ZNF135: variants seen among roughly 807,000 people sequenced by gnomAD.
ZNF135 encodes zinc finger protein 135.
In ZNF135, 11 loss-of-function variants were observed where a neutral mutation model predicts 12.3. The observed-to-expected ratio is 0.89, with a 90% CI of 0.56 to 1.48. The LOEUF (loss-of-function observed/expected upper bound fraction) is 1.48. Among genes scored for constraint, ZNF135 ranks in the 40% most tolerant of loss-of-function variants. The probability of loss-of-function intolerance (pLI) is 0.00; values close to 1 mark genes in which losing one functional copy is unlikely to be tolerated. For synonymous variants in ZNF135, 316 were observed against 312.0 expected (o/e 1.01, Z -0.14); for missense variants, 722 against 815.7 (o/e 0.89, Z 1.40).
At position 58,064,894 on chromosome 19, in the gene ZNF135, AAAAC is replaced by A. The variant is rs1384953896; in HGVS notation, c.256+1357_256+1360del. On this transcript the variant is annotated intron_variant, in intron 4 of 4. Coordinates refer to ENST00000313434, the MANE Select transcript of ZNF135 (RefSeq NM_001289401.2). The stretch of plus-strand genomic sequence containing the variant: ...GACAGAGCAAGACCATGTTTCAAAA[AAAAC>A]AAAGTGTTAACTATTTATTTTATCA... Among the ~76,000 whole-genome samples, 5 of 152,310 alleles carry A rather than the reference AAAAC, an allele frequency of 3.3e-5. No individual in the cohort carries two copies. In the East Asian group the frequency reaches 9.6e-4, roughly 29 times the overall value.
chr19:58,063,622 T>A lies in ZNF135; in HGVS notation c.256+81T>A. 6.3e-7 allele frequency: 1 copy of A among 1,581,488 alleles called. No individual in the cohort carries two copies. ...TTCTCCCTCTGCATCTGCTCTCTAA[T>A]TCTTCAGAGCAAATTTACTACTCAG... On this transcript the variant is annotated intron_variant, in intron 4 of 4. Coordinates refer to ENST00000313434, the MANE Select transcript of ZNF135 (RefSeq NM_001289401.2). This position sits in a 1 kb window ranked among gnomAD's most constrained non-coding sequence, Gnocchi z 4.4.
In ZNF135 at chr19:58,067,908, TC is replaced by T. The variant is rs774961412; in HGVS notation, c.1426del (p.Arg476GlyfsTer193). On this transcript the variant is annotated frameshift_variant, in exon 5 of 5. Transcript: ENST00000313434. LOFTEE classifies it low-confidence loss of function (END_TRUNC). ...PYECSQCGKA[F>X]RQSTHLTQHQ... is the part of the protein sequence containing the mutation. ...GAGTGCAGTCAGTGTGGGAAGGCCT[TC>T]CGGCAGAGCACACACCTCACCCAAC... is the stretch of plus-strand genomic sequence containing the variant. The T allele has an allele frequency of 1.9e-6, 3 of 1,612,350 alleles. No homozygotes were observed. The South Asian group carries it at 3.3e-5, about 18-fold the overall frequency.
Position 58,067,449 on chromosome 19 carries a change from G to C in ZNF135, c.965G>C (p.Gly322Ala), listed in dbSNP as rs561714922. 427 of 1,614,180 alleles carry C rather than the reference G, an allele frequency of 2.6e-4. 5 individuals carry two copies. In the South Asian group the frequency reaches 4.4e-3, roughly 17 times the overall value. ...AGCCAGCACGAGCGAACTCACACAG[G>C]CGAGAAGCCCTACGAGTGCAGTGAG... ...SFSQHERTHT[G>A]EKPYECSECG... The change falls in exon 5 of 5, where the codon GGC becomes GCC. Residue 322 changes from glycine to alanine, a missense_variant. Coordinates refer to ENST00000313434, the MANE Select transcript of ZNF135 (RefSeq NM_001289401.2).
chr19:58,059,683 C>T lies in ZNF135; in HGVS notation c.-34-286C>T, dbSNP rs2073933912. On this transcript the variant is annotated intron_variant, in intron 1 of 4. Coordinates refer to ENST00000313434, the MANE Select transcript of ZNF135 (RefSeq NM_001289401.2). The surrounding 1 kb of genome is among the most constrained non-coding windows in gnomAD (Gnocchi z 6.5). ...AGGCATAGTGCCCAGGGCCAGGGGA[C>T]CGCAACCACCCGGCCCTTGTCACTG... is the stretch of plus-strand genomic sequence containing the variant. 1.9e-6 allele frequency: 1 copy of T among 528,022 alleles called. No homozygotes were observed. The highest frequency in any genetic ancestry group is 3.3e-6 in the Non-Finnish European group (1 of 301,424). The allele number at this position is 528,022 out of a possible 1,614,324, so 32.7% of individuals were successfully genotyped here. A position where few individuals can be genotyped will look rare whatever the true frequency, so the allele number is the denominator to read the frequency against.
Position 58,065,195 on chromosome 19 carries a change from CCTTTTT to C in ZNF135, c.257-1545_257-1540del, listed in dbSNP as rs1288392942. Among the ~76,000 whole-genome samples, 1 of 151,978 alleles carries C rather than the reference CCTTTTT, an allele frequency of 6.6e-6. No homozygotes were observed. Among genetic ancestry groups the C allele is most frequent in the Non-Finnish European group, 1.5e-5 (1 of 67,982 alleles). ...AAGGGAAGAATCTATTTCTTTCTCT[CCTTTTT>C]GTTTTTTTAAGAGATGGGGTCTTGC... On this transcript the variant is annotated intron_variant, in intron 4 of 4. Transcript: ENST00000313434. The surrounding 1 kb of genome is among the most constrained non-coding windows in gnomAD (Gnocchi z 4.0).
Position 58,059,322 on chromosome 19 carries a change from C to T in ZNF135, c.-35+12C>T. 1 of 1,148,546 alleles carries T rather than the reference C, an allele frequency of 8.7e-7. No homozygotes were observed. The highest frequency in any genetic ancestry group is 1.9e-5 in the South Asian group (1 of 53,646). 71.1% of individuals were successfully genotyped at this position (1,148,546 alleles called of 1,614,324 possible). A position where few individuals can be genotyped will look rare whatever the true frequency, so the allele number is the denominator to read the frequency against. On this transcript the variant is annotated intron_variant, in intron 1 of 4. Coordinates refer to ENST00000313434, the MANE Select transcript of ZNF135 (RefSeq NM_001289401.2). The surrounding 1 kb of genome is among the most constrained non-coding windows in gnomAD (Gnocchi z 6.5). ...TCGCAGTCAGGAGGGTGAGCTAGGC[C>T]GGCGAGGAGGGGGAGGGGAGGCCAG...
Position 58,065,428 on chromosome 19 carries a change from TCAAGGAGTCCTCC to T in ZNF135, c.257-1310_257-1298del, listed in dbSNP as rs1487250261. Among the ~76,000 whole-genome samples the T allele has an allele frequency of 6.6e-6, 1 of 152,182 alleles. No homozygotes were observed. Among genetic ancestry groups the T allele is most frequent in the African/African-American group, 2.4e-5 (1 of 41,452 alleles). ...CCAGGCATGTCTTGAACTCTTAGGC[TCAAGGAGTCCTCC>T]CACCTCAGCTGCCCAAAGTGTTGAG... On this transcript the variant is annotated intron_variant, in intron 4 of 4. Transcript: ENST00000313434. This position sits in a 1 kb window ranked among gnomAD's most constrained non-coding sequence, Gnocchi z 4.0.
chr19:58,059,350 C>CGGGCG lies in ZNF135; in HGVS notation c.-35+44_-35+45insGGGGC, dbSNP rs1291287047. The CGGGCG allele has an allele frequency of 6.5e-6, 5 of 767,000 alleles. 1 individual carries two copies. Among genetic ancestry groups the CGGGCG allele is most frequent in the Non-Finnish European group, 8.7e-6 (5 of 575,986 alleles). The allele number at this position is 767,000 out of a possible 1,614,324, so 47.5% of individuals were successfully genotyped here. On this transcript the variant is annotated intron_variant, in intron 1 of 4. Coordinates refer to ENST00000313434, the MANE Select transcript of ZNF135 (RefSeq NM_001289401.2). This position sits in a 1 kb window ranked among gnomAD's most constrained non-coding sequence, Gnocchi z 6.5. ...CGAGGAGGGGGAGGGGAGGCCAGGC[C>CGGGCG]GGGCCGGGCCGGGCCGGGTGCGGGG...
rs1312359145 is a variant in ZNF135 at position 58,059,566 on chromosome 19, C to T, written c.-35+256C>T. Among the ~76,000 whole-genome samples, 1 of 152,056 alleles carries T rather than the reference C, an allele frequency of 6.6e-6. No homozygotes were observed. The highest frequency in any genetic ancestry group is 1.5e-5 in the Non-Finnish European group (1 of 67,970). On this transcript the variant is annotated intron_variant, in intron 1 of 4. Transcript: ENST00000313434. The surrounding 1 kb of genome is among the most constrained non-coding windows in gnomAD (Gnocchi z 6.5). ...AGCTGGACAGGAGCTGCTCCGACGG[C>T]CCCTGAGGGAACGCGCGCCCCGCCC... is the stretch of plus-strand genomic sequence containing the variant.
In ZNF135 at chr19:58,068,147, T is replaced by C; in HGVS notation, c.1663T>C (p.Cys555Arg). The C allele has an allele frequency of 6.2e-7, 1 of 1,614,048 alleles. No individual in the cohort carries two copies. Among genetic ancestry groups the C allele is most frequent in the African/African-American group, 1.3e-5 (1 of 75,002 alleles). ...AGAGAAACCCTATGAATGTAACCAGTGTGGCAGAGCCTTCAGCCAGAGCTC... is the reference window on the plus strand; with the variant it reads ...AGAGAAACCCTATGAATGTAACCAGCGTGGCAGAGCCTTCAGCCAGAGCTC... ...TGEKPYECNQ[C>R]GRAFSQSSLL... Residue 555 changes from cysteine (C) to arginine (R), a missense_variant, in exon 5 of 5, where the codon TGT (cysteine) becomes CGT (arginine). By Grantham distance (180) the Cys-to-Arg change is radical. Coordinates refer to ENST00000313434, the MANE Select transcript of ZNF135 (RefSeq NM_001289401.2).
rs947433786 is a variant in ZNF135, at chr19:58,063,754, T to C, written c.256+213T>C. ...GTGAGGGAGTGGGGGAAACAAACAA[T>C]AAATCGGTAAAATAATAATAATAAA... On this transcript the variant is annotated intron_variant, in intron 4 of 4. Coordinates refer to ENST00000313434, the MANE Select transcript of ZNF135 (RefSeq NM_001289401.2). This position sits in a 1 kb window ranked among gnomAD's most constrained non-coding sequence, Gnocchi z 4.4. 4 of 1,273,238 alleles carry C rather than the reference T, an allele frequency of 3.1e-6. No individual in the cohort carries two copies. In the African/African-American group the frequency reaches 4.6e-5, roughly 15 times the overall value. The allele number at this position is 1,273,238 out of a possible 1,614,324, so 78.9% of individuals were successfully genotyped here.
Position 58,067,846 on chromosome 19 carries a change from C to T in ZNF135, c.1362C>T (p.Ser454=). The T allele has an allele frequency of 6.2e-7, 1 of 1,613,462 alleles. No individual in the cohort carries two copies. Residue 454 remains serine (S), a synonymous_variant, in exon 5 of 5, where the codon AGC becomes AGT. Transcript: ENST00000313434. ...CCTTCAGCCACAGCTCCTCACTCAGCCAGCATGAGCGGACACACACAGGAG... is the reference window on the plus strand; with the variant it reads ...CCTTCAGCCACAGCTCCTCACTCAGTCAGCATGAGCGGACACACACAGGAG... ...GKTFSHSSSL[S]QHERTHTGEK... is the part of the protein sequence containing the mutation.
At chr19:58,061,774 A>C (rs781168409) in intron 3 of ZNF135, 68 bp downstream of exon 3, 1 of 1,535,610 alleles carries the variant, frequency 6.5e-7, no homozygotes, top group Non-Finnish European at 8.7e-7. Flanking sequence ...ACCAGGTTAA[A>C]TATTTATAGG....
Position 58,063,651 on chromosome 19 carries a change from TA to T in ZNF135, c.256+111del, listed in dbSNP as rs371496817. The T allele has an allele frequency of 4.2e-4, 626 of 1,497,482 alleles. 4 individuals carry two copies. In the African/African-American group the frequency reaches 7.9e-3, roughly 19 times the overall value. The allele number at this position is 1,497,482 out of a possible 1,614,324, so 92.8% of individuals were successfully genotyped here. On this transcript the variant is annotated intron_variant, in intron 4 of 4. Coordinates refer to ENST00000313434, the MANE Select transcript of ZNF135 (RefSeq NM_001289401.2). This position sits in a 1 kb window ranked among gnomAD's most constrained non-coding sequence, Gnocchi z 4.4. ...TCAGAGCAAATTTACTACTCAGTCT[TA>T]GTGAAGATTTACCAAGCACCCATTT...
Position 58,067,540 on chromosome 19 carries a change from A to T in ZNF135, c.1056A>T (p.Lys352Asn). 3 of 1,605,036 alleles carry T rather than the reference A, an allele frequency of 1.9e-6. No individual in the cohort carries two copies. The highest frequency in any genetic ancestry group is 2.5e-6 in the Non-Finnish European group (3 of 1,176,734). Residue 352 changes from lysine (K) to asparagine (N), a missense_variant, in exon 5 of 5, where the codon AAA (lysine) becomes AAT (asparagine). Transcript: ENST00000313434. ...ATCTGCGAATCCACACTGGGGAGAA[A>T]CCCTATCAGTGTGGTGAGTGTGGCA... Reference protein sequence around the residue: ...TQHLRIHTGEKPYQCGECGKA... With the variant: ...TQHLRIHTGENPYQCGECGKA...
chr19:58,067,494 A>G lies in ZNF135; in HGVS notation c.1010A>G (p.Gln337Arg), dbSNP rs2074094538. The G allele has an allele frequency of 6.2e-7, 1 of 1,614,072 alleles. No homozygotes were observed. The highest frequency in any genetic ancestry group is 1.3e-5 in the African/African-American group (1 of 74,932). The change falls in exon 5 of 5, where the codon CAA (glutamine) becomes CGA (arginine). Residue 337 changes from glutamine to arginine, a missense_variant. By Grantham distance (43) the Gln-to-Arg change is conservative. Coordinates refer to ENST00000313434, the MANE Select transcript of ZNF135 (RefSeq NM_001289401.2). The stretch of plus-strand genomic sequence containing the variant: ...AGTGAGTGTGGGAAAGCCTTCCGGC[A>G]AAGCATCCACCTCACCCAGCATCTG... ...ECSECGKAFR[Q>R]SIHLTQHLRI...
In ZNF135 at chr19:58,063,492, G is replaced by A. The variant is rs996328680; in HGVS notation, c.207G>A (p.Glu69=). The A allele has an allele frequency of 1.2e-6, 2 of 1,614,164 alleles. No homozygotes were observed. The highest frequency in any genetic ancestry group is 3.3e-4 in the Middle Eastern group (2 of 6,060). Residue 69 remains glutamate, a synonymous_variant, in exon 4 of 5, where the codon GAG becomes GAA. Coordinates refer to ENST00000313434, the MANE Select transcript of ZNF135 (RefSeq NM_001289401.2). This position sits in a 1 kb window ranked among gnomAD's most constrained non-coding sequence, Gnocchi z 4.4. ...ATGTCATCTCCCTGCTGGAGCAAGA[G>A]GCAGAGCTGTGGGCGGTGGAGTCTA... ...KPNVISLLEQ[E]AELWAVESRL...
At position 58,060,340 on chromosome 19, in the gene ZNF135, C is replaced by T. The variant is rs1379071288; in HGVS notation, c.33+305C>T. ...CCTGCACACCCGGCCTCCTAAAGTCCGCGCCAAGCTCCCCAACCACAGCCT... is the reference window on the plus strand; with the variant it reads ...CCTGCACACCCGGCCTCCTAAAGTCTGCGCCAAGCTCCCCAACCACAGCCT... On this transcript the variant is annotated intron_variant, in intron 2 of 4. Transcript: ENST00000313434. This position sits in a 1 kb window ranked among gnomAD's most constrained non-coding sequence, Gnocchi z 4.9. The T allele has an allele frequency of 5.3e-6, 7 of 1,311,792 alleles. No homozygotes were observed. Among genetic ancestry groups the T allele is most frequent in the East Asian group, 3.6e-5 (1 of 27,848 alleles). 81.3% of individuals were successfully genotyped at this position (1,311,792 alleles called of 1,614,324 possible).
At position 58,067,234 on chromosome 19, in the gene ZNF135, C is replaced by T. The variant is rs1416131486; in HGVS notation, c.750C>T (p.Gly250=). The part of the protein sequence containing the change: ...RPYECHECLK[G]FRNSSALTKH... ...ACGAATGTCACGAATGCTTAAAAGG[C>T]TTCCGGAACAGCTCGGCACTTACCA... The change falls in exon 5 of 5, where the codon GGC becomes GGT. Residue 250 remains glycine, a synonymous_variant. Coordinates refer to ENST00000313434, the MANE Select transcript of ZNF135 (RefSeq NM_001289401.2). The T allele has an allele frequency of 1.2e-6, 2 of 1,614,086 alleles. No homozygotes were observed. Among genetic ancestry groups the T allele is most frequent in the South Asian group, 2.2e-5 (2 of 91,082 alleles).
Sources: gnomAD v4.1 joint callset for allele counts (sites outside exome capture counted in the v4.1 genomes callset) on GRCh38, gnomAD v4.1.1 for gene constraint, Gnocchi (gnomAD v3.1) non-coding constraint, MANE v1.5 for transcripts, NCBI Gene and HGNC (gene_info 2026-07-23, HGNC 2026-07-21) for gene names.